The following KIF2A variants were observed in gnomAD, a reference collection of about 807,000 sequenced individuals.
KIF2A encodes the protein kinesin family member 2A.
A neutral mutation model predicts 100.2 loss-of-function variants in KIF2A; 22 were observed. That is an observed-to-expected ratio of 0.22 (90% CI 0.16 to 0.31). KIF2A has a LOEUF of 0.31. Ranked by LOEUF, KIF2A falls within the 10% of genes least tolerant of loss-of-function variation. The pLI, the probability that KIF2A is intolerant of heterozygous loss-of-function variation, is 1.00. For missense variants in KIF2A, 495 were observed against 898.7 expected, an observed-to-expected ratio of 0.55 and a Z score of 5.74; for synonymous variants, 268 against 285.9, an observed-to-expected ratio of 0.94 and a Z score of 0.63.
chr5:62,328,623 C>G (rs1176096259), intron 1 of KIF2A, among the ~76,000 whole-genome samples: 2 of 152,074 alleles, frequency 1.3e-5, no homozygotes, highest in African/African-American at 2.4e-5. Context: ...TCCCAGGTAG[C>G]TGGGATTACA....
intron 19 of KIF2A, among the ~76,000 whole-genome samples, chr5:62,378,469 C>T (rs897883151): frequency 6.6e-6 from 1 of 152,166 alleles, no homozygotes; most frequent in Non-Finnish European, 1.5e-5. Context: ...ACAATAACTG[C>T]CTCCCTTGTT....
intron 16 of KIF2A, 72 bp from the exon 17 acceptor site, chr5:62,372,362 AAATG>A (rs1363255438): frequency 1.4e-6 from 1 of 733,904 alleles, no homozygotes. Flanking sequence ...AGTGAATACT[AAATG>A]AAAATGTGCA....
intron 1 of KIF2A, among the ~76,000 whole-genome samples, chr5:62,325,748 A>G (rs2111826802): frequency 6.6e-6 from 1 of 152,358 alleles, no homozygotes; most frequent in East Asian, 1.9e-4. Flanking sequence ...TTTCTCAAAT[A>G]ACTTAAAGCT....
Position 62,358,154 on chromosome 5 carries a change from C to A in KIF2A, c.727C>A (p.Leu243Ile). ...TCTTTTAGAAACTCAAATGAAAGAT[C>A]TTGATGTAATCACAATTCCTAGTAA... ...LNKKETQMKD[L>I]DVITIPSKDV... The change falls in exon 9 of 21, where the codon CTT becomes ATT. Residue 243 changes from leucine to isoleucine, a missense_variant. Physicochemically the swap from Leu to Ile is conservative, Grantham distance 5 (BLOSUM62 2). Coordinates refer to ENST00000407818, the MANE Select transcript of KIF2A (RefSeq NM_001098511.3). 6.4e-7 allele frequency: 1 copy of A among 1,574,236 alleles called. No individual in the cohort carries two copies. Among genetic ancestry groups the A allele is most frequent in the Non-Finnish European group, 8.6e-7 (1 of 1,166,404 alleles).
At chr5:62,320,950 G>A (rs541034309) in intron 1 of KIF2A, among the ~76,000 whole-genome samples, 7 of 151,990 alleles carry the variant, frequency 4.6e-5, no homozygotes, top group African/African-American at 1.2e-4. Context: ...CTCTCATTCC[G>A]GCCTTTAGTA....
intron 16 of KIF2A, among the ~76,000 whole-genome samples, chr5:62,371,593 T>A (rs1355617126): frequency 1.3e-5 from 2 of 152,164 alleles, no homozygotes; most frequent in Non-Finnish European, 2.9e-5. Flanking sequence ...GTGAATGACC[T>A]TAGAGAAGAT....
Position 62,361,650 on chromosome 5 carries a change from T to A in KIF2A, c.1027+121T>A, listed in dbSNP as rs369444421. 22 of 602,352 alleles carry A rather than the reference T, an allele frequency of 3.7e-5. 1 individual carries two copies. In the East Asian group the frequency reaches 5.0e-4, roughly 14 times the overall value. 37.3% of individuals were successfully genotyped at this position (602,352 alleles called of 1,614,324 possible). On this transcript the variant is annotated intron_variant, in intron 11 of 20. Coordinates refer to ENST00000407818, the MANE Select transcript of KIF2A (RefSeq NM_001098511.3). ...AATGCTATATTAACTGTCTATTATG[T>A]CAATTATAGGTTATTAGATTGCTTG...
rs1742049091 is a variant in KIF2A at position 62,386,777 on chromosome 5, A to AG, written c.*1211dup. On this transcript the variant is annotated 3_prime_UTR_variant, in exon 21 of 21. Coordinates refer to ENST00000407818, the MANE Select transcript of KIF2A (RefSeq NM_001098511.3). ...TCTCACTAATACATTGGTATGGTGT[A>AG]GGGCATGCTACTTTTTAAACAGCAG... Among the ~76,000 whole-genome samples, 1 of 152,228 alleles carries AG rather than the reference A, an allele frequency of 6.6e-6. No individual in the cohort carries two copies. Among genetic ancestry groups the AG allele is most frequent in the East Asian group, 1.9e-4 (1 of 5,202 alleles).
rs73760804 is a variant in KIF2A, at chr5:62,385,441, G to A, written c.2150-43G>A. The stretch of plus-strand genomic sequence containing the variant: ...CCATAAAGTTGTAAACTCTTACTGC[G>A]TGTAATACAATACTTATTCCCTCTT... On this transcript the variant is annotated intron_variant, in intron 20 of 20. Coordinates refer to ENST00000407818, the MANE Select transcript of KIF2A (RefSeq NM_001098511.3). The A allele has an allele frequency of 4.7e-3, 6,313 of 1,356,464 alleles. 252 individuals are homozygous for A. In the African/African-American group the frequency reaches 0.079, roughly 17 times the overall value. 84.0% of individuals were successfully genotyped at this position (1,356,464 alleles called of 1,614,324 possible).
Position 62,388,901 on chromosome 5 carries a change from TAGTC to T in KIF2A, c.*3334_*3337del, listed in dbSNP as rs1305332855. 2.9e-6 allele frequency: 3 copies of T among 1,043,834 alleles called. No homozygotes were observed. The highest frequency in any genetic ancestry group is 1.6e-5 in the African/African-American group (1 of 61,514). 64.7% of individuals were successfully genotyped at this position (1,043,834 alleles called of 1,614,324 possible). A position where few individuals can be genotyped will look rare whatever the true frequency, so the allele number is the denominator to read the frequency against. ...AACAGTAGTAGTATTGAACCAAAAA[TAGTC>T]AAGTAAATAATGTCTCAGTAAAGCA... On this transcript the variant is annotated 3_prime_UTR_variant, in exon 21 of 21. Transcript: ENST00000407818.
chr5:62,356,722 C>T (rs1053164053), intron 7 of KIF2A, among the ~76,000 whole-genome samples: 1 of 151,846 alleles, frequency 6.6e-6, no homozygotes, highest in Non-Finnish European at 1.5e-5. Context: ...GAAAATATGT[C>T]ACTTAGTAGA....
In KIF2A at chr5:62,337,179, T is replaced by C. The variant is rs570788671; in HGVS notation, c.65-9951T>C. Among the ~76,000 whole-genome samples, 5 of 152,244 alleles carry C rather than the reference T, an allele frequency of 3.3e-5. No individual in the cohort carries two copies. The East Asian group carries it at 9.6e-4, about 29-fold the overall frequency. The stretch of plus-strand genomic sequence containing the variant: ...AGTACGGAAAGGGAAAACTCTGCCA[T>C]AGAAAATCATTTTATGAGATTAGTA... On this transcript the variant is annotated intron_variant, in intron 1 of 20. Transcript: ENST00000407818.
At chr5:62,327,690 T>C (rs138128174) in intron 1 of KIF2A, among the ~76,000 whole-genome samples, 58 of 152,340 alleles carry the variant, frequency 3.8e-4, no homozygotes, top group African/African-American at 1.3e-3. Flanking sequence ...ATTTGAAATA[T>C]ACATTTTACC....
At chr5:62,315,249 CAAAAAAAAAA>C (rs765995590) in intron 1 of KIF2A, among the ~76,000 whole-genome samples, 3 of 66,542 alleles carry the variant, frequency 4.5e-5, no homozygotes, top group South Asian at 6.6e-4. Flanking sequence ...AAAAACAGAC[CAAAAAAAAAA>C]AAAAAAAAAA....
rs745615828 is a variant in KIF2A at position 62,372,471 on chromosome 5, T to A, written c.1680T>A (p.Ile560=). 1 of 1,612,396 alleles carries A rather than the reference T, an allele frequency of 6.2e-7. No individual in the cohort carries two copies. Among genetic ancestry groups the A allele is most frequent in the East Asian group, 2.2e-5 (1 of 44,856 alleles). ...VKEFGISPSD[I]PFSQGSGSRP... ...AGTTTGGAATTAGTCCATCAGACAT[T>A]CCCTTCTCACAGGGTAGTGGCAGTC... The change falls in exon 17 of 21, where the codon ATT becomes ATA. Residue 560 remains isoleucine (I), a synonymous_variant. Coordinates refer to ENST00000407818, the MANE Select transcript of KIF2A (RefSeq NM_001098511.3).
At chr5:62,347,308 A>C in intron 2 of KIF2A, 84 bp downstream of exon 2, 2 of 745,014 alleles carry the variant, frequency 2.7e-6, no homozygotes, top group South Asian at 3.8e-5. Context: ...ACATAATGTT[A>C]TTTTATTTAG....
At chr5:62,308,449 C>T (rs1745413032) in intron 1 of KIF2A, 1 of 946,264 alleles carries the variant, frequency 1.1e-6, no homozygotes, top group Non-Finnish European at 1.6e-6. Flanking sequence ...TGCACTCTCG[C>T]GTTCATTGCA....
chr5:62,355,692 G>A (rs1327520757), intron 7 of KIF2A, among the ~76,000 whole-genome samples: 1 of 152,000 alleles, frequency 6.6e-6, no homozygotes, highest in Admixed American at 6.6e-5. Context: ...AGTGATGGTT[G>A]TTGAGGGCTG....
At position 62,377,769 on chromosome 5, in the gene KIF2A, T is replaced by A. The variant is rs1349917326; in HGVS notation, c.2013+7T>A. On this transcript the variant is annotated splice_region_variant and intron_variant, in intron 19 of 20. Transcript: ENST00000407818. ...TCACAGGGCAGTGTTCCAGGTAAAG[T>A]AAGACAGGACTTTCCTTCAAAATAT... 34 of 1,393,904 alleles carry A rather than the reference T, an allele frequency of 2.4e-5. No individual in the cohort carries two copies. Among genetic ancestry groups the A allele is most frequent in the Non-Finnish European group, 3.3e-5 (33 of 1,014,462 alleles). 86.3% of individuals were successfully genotyped at this position (1,393,904 alleles called of 1,614,324 possible). A position where few individuals can be genotyped will look rare whatever the true frequency, so the allele number is the denominator to read the frequency against.
Sources: allele counts gnomAD v4.1 joint callset (sites outside exome capture counted in the v4.1 genomes callset), GRCh38; gene constraint gnomAD v4.1.1; transcripts MANE v1.5; gene names NCBI Gene and HGNC (gene_info 2026-07-23, HGNC 2026-07-21).